Variants in CCDC149 observed in about 807,000 individuals in gnomAD.
The protein encoded by CCDC149 is coiled-coil domain containing 149, also known as coiled-coil domain-containing protein 149.
A neutral mutation model predicts 59.9 loss-of-function variants in CCDC149; 45 were observed. The observed-to-expected ratio is 0.75, with a 90% confidence interval of 0.59 to 0.96. The LOEUF is 0.96. Ranked by LOEUF, CCDC149 falls within the 40% of genes least tolerant of loss-of-function variation. The pLI, the probability that CCDC149 is intolerant of heterozygous loss-of-function variation, is 0.00. For missense variants in CCDC149, 584 were observed against 664.7 expected (o/e 0.88, Z 1.33); for synonymous variants, 245 against 260.6 (o/e 0.94, Z 0.58).
intron 3 of CCDC149, among the ~76,000 whole-genome samples, chr4:24,857,991 T>A (rs1361745374): frequency 6.6e-6 from 1 of 152,216 alleles, no homozygotes; most frequent in Non-Finnish European, 1.5e-5. Context: ...TATTCTGATA[T>A]GGTGCCTAAT....
chr4:24,904,915 G>A (rs1721382091), intron 1 of CCDC149, among the ~76,000 whole-genome samples: 1 of 152,000 alleles, frequency 6.6e-6, no homozygotes, highest in Admixed American at 6.6e-5. Context: ...TTGTTTGTTT[G>A]TTTTGAGATG....
intron 4 of CCDC149, among the ~76,000 whole-genome samples, chr4:24,844,530 T>C (rs1717145486): frequency 6.6e-6 from 1 of 152,058 alleles, no homozygotes; most frequent in Non-Finnish European, 1.5e-5. Context: ...CCCAGCACTT[T>C]GGGAGGCTGA....
At chr4:24,823,432 G>C (rs1715536411) in intron 9 of CCDC149, among the ~76,000 whole-genome samples, 1 of 152,150 alleles carries the variant, frequency 6.6e-6, no homozygotes, top group South Asian at 2.1e-4. Flanking sequence ...TAATTTAATA[G>C]TCCTCTAAAA....
intron 1 of CCDC149, among the ~76,000 whole-genome samples, chr4:24,977,224 G>A (rs980406241): frequency 6.6e-6 from 1 of 152,172 alleles, no homozygotes; most frequent in Admixed American, 6.5e-5. Flanking sequence ...TCCTTCCCCA[G>A]GACATTGGCT....
chr4:24,858,983 G>A (rs1279946175), intron 3 of CCDC149, among the ~76,000 whole-genome samples: 2 of 152,138 alleles, frequency 1.3e-5, no homozygotes, highest in Non-Finnish European at 2.9e-5. Context: ...TACAAATGCC[G>A]CAAAATATGT....
intron 1 of CCDC149, among the ~76,000 whole-genome samples, chr4:24,942,731 A>C (rs369756618): frequency 2.0e-5 from 3 of 152,092 alleles, no homozygotes; most frequent in East Asian, 1.9e-4. Flanking sequence ...GCAAAAATCA[A>C]AAGCATTCTT....
chr4:24,915,893 T>C (rs950348177), upstream of CCDC149, among the ~76,000 whole-genome samples: 1 of 152,224 alleles, frequency 6.6e-6, no homozygotes, highest in Non-Finnish European at 1.5e-5. Flanking sequence ...TAGGCACCTA[T>C]ACCAGAAGGC....
At chr4:24,847,411 A>G (rs1382105657) in intron 4 of CCDC149, among the ~76,000 whole-genome samples, 1 of 152,166 alleles carries the variant, frequency 6.6e-6, no homozygotes, top group Non-Finnish European at 1.5e-5. Context: ...TCTCAGACTA[A>G]GCACTGTCTG....
chr4:24,816,514 A>G (rs980788827), intron 12 of CCDC149, among the ~76,000 whole-genome samples: 5 of 152,192 alleles, frequency 3.3e-5, no homozygotes, highest in Admixed American at 3.3e-4. Flanking sequence ...TTGCTGTGGG[A>G]GCAAAATCCT....
rs576316946 is a variant in CCDC149 at position 24,823,238 on chromosome 4, T to A, written c.966-665A>T. Among the ~76,000 whole-genome samples, 31 of 152,334 alleles carry A rather than the reference T, an allele frequency of 2.0e-4. No homozygotes were observed. The South Asian group carries it at 6.4e-3, about 32-fold the overall frequency. Reference sequence around the variant, plus strand: ...AGAGTTTTCAGTAATTGCAGAATCATTAGAATAATTACATTGTTCTCCAAG... The same window carrying A: ...AGAGTTTTCAGTAATTGCAGAATCAATAGAATAATTACATTGTTCTCCAAG... On this transcript the variant is annotated intron_variant, in intron 9 of 12. Transcript: ENST00000635206.
At chr4:24,928,076 G>A (rs553735756) in intron 1 of CCDC149, among the ~76,000 whole-genome samples, 15 of 152,296 alleles carry the variant, frequency 9.8e-5, no homozygotes, top group African/African-American at 3.4e-4. Flanking sequence ...TTGAGCATTA[G>A]CAAGAGAGTT....
chr4:24,804,184 C>T (rs1371430968), downstream of CCDC149, among the ~76,000 whole-genome samples: 1 of 152,126 alleles, frequency 6.6e-6, no homozygotes, highest in Non-Finnish European at 1.5e-5. Flanking sequence ...AGAAGGTACT[C>T]TCTTTTTCAA....
intron 1 of CCDC149, among the ~76,000 whole-genome samples, chr4:24,973,173 C>T (rs1044625242): frequency 1.2e-4 from 18 of 152,164 alleles, no homozygotes; most frequent in Non-Finnish European, 1.9e-4. Flanking sequence ...CAGACCAAAC[C>T]AATATATACC....
In CCDC149 at chr4:24,808,573, C is replaced by A; in HGVS notation, c.1439G>T (p.Ser480Ile). 1.3e-6 allele frequency: 2 copies of A among 1,551,858 alleles called. No homozygotes were observed. The highest frequency in any genetic ancestry group is 1.7e-6 in the Non-Finnish European group (2 of 1,147,020). ...CTCACTCCTCTGACCTTCTATGGGA[C>A]TCTCTCTTCTGACCTCTTCCAGTTC... The change falls in exon 13 of 13, where the codon AGT (serine) becomes ATT (isoleucine). Residue 480 changes from serine (S) to isoleucine (I), a missense_variant. Transcript: ENST00000635206.
chr4:24,834,500 C>T (rs149500501), intron 8 of CCDC149, among the ~76,000 whole-genome samples: 55 of 151,948 alleles, frequency 3.6e-4, no homozygotes, highest in African/African-American at 1.1e-3. Flanking sequence ...TCGTAGAGGC[C>T]GGGAAAAGAA....
intron 1 of CCDC149, among the ~76,000 whole-genome samples, chr4:24,895,369 A>C (rs759494784): frequency 1.7e-4 from 26 of 152,264 alleles, no homozygotes; most frequent in Admixed American, 7.2e-4. Flanking sequence ...CAAATAGTAA[A>C]ACAGCATACA....
chr4:24,933,768 T>A (rs1229275420), intron 1 of CCDC149, among the ~76,000 whole-genome samples: 1 of 152,172 alleles, frequency 6.6e-6, no homozygotes, highest in Admixed American at 6.6e-5. Flanking sequence ...AATATTTCAG[T>A]TATCAATTGC....
intron 1 of CCDC149, among the ~76,000 whole-genome samples, chr4:24,978,408 A>C (rs754560180): frequency 6.6e-6 from 1 of 152,164 alleles, no homozygotes; most frequent in Admixed American, 6.5e-5. Flanking sequence ...CTTTCCCCTC[A>C]TTTAATGTAG....
chr4:24,897,687 T>C (rs895459316), intron 1 of CCDC149, among the ~76,000 whole-genome samples: 1 of 152,068 alleles, frequency 6.6e-6, no homozygotes, highest in Non-Finnish European at 1.5e-5. Context: ...CAGCAGATGC[T>C]CTGAAGGCCA....
Sources: gnomAD v4.1 joint callset for allele counts (sites outside exome capture counted in the v4.1 genomes callset) on GRCh38, gnomAD v4.1.1 for gene constraint, MANE v1.5 for transcripts, NCBI Gene and HGNC (gene_info 2026-07-23, HGNC 2026-07-21) for gene names.